The following DENND1A variants were observed in gnomAD, a reference collection of about 807,000 sequenced individuals.
DENND1A encodes DENN domain-containing protein 1A.
Under a neutral mutation model 113.7 loss-of-function variants are expected in DENND1A, and 51 were observed. The ratio of observed to expected loss-of-function variants is 0.45; its 90% CI spans 0.36 to 0.57. DENND1A has a LOEUF of 0.57. Ranked by LOEUF, DENND1A falls within the 20% of genes least tolerant of loss-of-function variation. The pLI is 0.00. For synonymous variants in DENND1A, 565 were observed against 570.8 expected (o/e 0.99, Z 0.14); for missense variants, 1,258 against 1,395.9 (o/e 0.90, Z 1.57).
At chr9:123,493,202 G>A (rs1341392927) in intron 13 of DENND1A, 3 of 152,278 alleles carry the variant, frequency 2.0e-5, no homozygotes, top group Admixed American at 6.5e-5. Context: ...ACTAAGACAC[G>A]GCTTCATCCT....
At chr9:123,386,332 C>T (rs193290786) in intron 22 of DENND1A, among the ~76,000 whole-genome samples, 40 of 150,968 alleles carry the variant, frequency 2.6e-4, no homozygotes, top group South Asian at 1.1e-3. Flanking sequence ...GCAAAAGTGA[C>T]GTGTGATGCT....
chr9:123,614,670 A>G (rs889099636), intron 10 of DENND1A, among the ~76,000 whole-genome samples: 4 of 152,256 alleles, frequency 2.6e-5, no homozygotes, highest in Non-Finnish European at 4.4e-5. Context: ...CTCCACCTCC[A>G]GGTGGGCAAC....
chr9:123,544,458 GTT>G (rs1305741000), intron 13 of DENND1A, among the ~76,000 whole-genome samples: 1 of 152,194 alleles, frequency 6.6e-6, no homozygotes, highest in East Asian at 1.9e-4. Flanking sequence ...AACCAACTCA[GTT>G]TTCTTCTGAA....
chr9:123,449,409 C>T (rs1293439968), intron 18 of DENND1A, among the ~76,000 whole-genome samples: 1 of 152,074 alleles, frequency 6.6e-6, no homozygotes, highest in Non-Finnish European at 1.5e-5. Flanking sequence ...GTAGCACGTG[C>T]CTGTAGTCCC....
intron 18 of DENND1A, among the ~76,000 whole-genome samples, chr9:123,443,958 A>C (rs775020106): frequency 6.6e-6 from 1 of 152,032 alleles, no homozygotes; most frequent in Non-Finnish European, 1.5e-5. Flanking sequence ...CCCTGTCTCA[A>C]GAAAAAAATA....
At chr9:123,824,398 A>C (rs1838980561) in intron 2 of DENND1A, among the ~76,000 whole-genome samples, 1 of 152,210 alleles carries the variant, frequency 6.6e-6, no homozygotes, top group South Asian at 2.1e-4. Context: ...TCATCTTTGT[A>C]AATTCTAACA....
chr9:123,624,532 C>T (rs1276995928), intron 10 of DENND1A, among the ~76,000 whole-genome samples: 1 of 152,162 alleles, frequency 6.6e-6, no homozygotes, highest in Non-Finnish European at 1.5e-5. Context: ...ATCCTTTGGT[C>T]ATATGTCAGA....
intron 21 of DENND1A, among the ~76,000 whole-genome samples, chr9:123,393,320 C>G (rs566087815): frequency 1.3e-5 from 2 of 152,278 alleles, no homozygotes; most frequent in African/African-American, 4.8e-5. Flanking sequence ...AAGGCAGTCC[C>G]TGCCTTCCCA....
At chr9:123,911,699 CTTT>C (rs112974905) in intron 1 of DENND1A, among the ~76,000 whole-genome samples, 1 of 145,754 alleles carries the variant, frequency 6.9e-6, no homozygotes, top group Non-Finnish European at 1.5e-5. Flanking sequence ...TTTTTTTTTT[CTTT>C]TTTTTTTTGA....
intron 5 of DENND1A, among the ~76,000 whole-genome samples, chr9:123,693,905 G>T (rs1336414570): frequency 6.6e-6 from 1 of 150,906 alleles, no homozygotes; most frequent in Non-Finnish European, 1.5e-5. Flanking sequence ...TCAGCTCACT[G>T]CAACATCTGC....
chr9:123,817,742 G>A lies in DENND1A; in HGVS notation c.89-25112C>T, dbSNP rs553625438. ...CTTTTAGAAATATACTATAGAAAAT[G>A]CTGGCTGGGCGTGGTGGCTCATGCC... is the stretch of plus-strand genomic sequence containing the variant. On this transcript the variant is annotated intron_variant, in intron 2 of 23. Coordinates refer to ENST00000394215, the MANE Select transcript of DENND1A (RefSeq NM_001352964.2). Among the ~76,000 whole-genome samples, 337 of 152,236 alleles carry A rather than the reference G, an allele frequency of 2.2e-3. 1 individual carries two copies. Among genetic ancestry groups the A allele is most frequent in the Non-Finnish European group, 3.9e-3 (268 of 68,006 alleles).
rs548396493 is a variant in DENND1A at position 123,746,890 on chromosome 9, A to G, written c.302+10813T>C. On this transcript the variant is annotated intron_variant, in intron 5 of 23. Transcript: ENST00000394215. ...TTTCATATACTAATAAAAAAGAAAA[A>G]GCACAAATTAAATTTTCTCCAAAGT... Among the ~76,000 whole-genome samples the G allele has an allele frequency of 3.3e-5, 5 of 152,322 alleles. No individual in the cohort carries two copies. In the South Asian group the frequency reaches 8.3e-4, roughly 25 times the overall value.
At chr9:123,545,376 C>A (rs1005341583) in intron 13 of DENND1A, among the ~76,000 whole-genome samples, 1 of 152,110 alleles carries the variant, frequency 6.6e-6, no homozygotes, top group Admixed American at 6.5e-5. Flanking sequence ...ATCCTCTAAT[C>A]ATCACAGATA....
intron 12 of DENND1A, among the ~76,000 whole-genome samples, chr9:123,576,205 A>G (rs2058626711): frequency 6.6e-6 from 1 of 152,220 alleles, no homozygotes; most frequent in Non-Finnish European, 1.5e-5. Context: ...CAGGTAACGT[A>G]ACAACCTTTA....
At chr9:123,832,058 C>A (rs191928648) in intron 2 of DENND1A, among the ~76,000 whole-genome samples, 284 of 152,152 alleles carry the variant, frequency 1.9e-3, no homozygotes, top group African/African-American at 6.5e-3. Flanking sequence ...CCACATTGTA[C>A]ACATATATCA....
At chr9:123,708,788 G>A (rs937212785) in intron 5 of DENND1A, among the ~76,000 whole-genome samples, 2 of 152,024 alleles carry the variant, frequency 1.3e-5, no homozygotes, top group East Asian at 1.9e-4. Flanking sequence ...AAAGACTACC[G>A]GAGCCTTCTG....
chr9:123,500,543 A>C (rs926252819), intron 13 of DENND1A, among the ~76,000 whole-genome samples: 2 of 152,156 alleles, frequency 1.3e-5, no homozygotes, highest in African/African-American at 2.4e-5. Flanking sequence ...TTGACATAAC[A>C]CCTGTGAAGC....
chr9:123,471,390 G>A (rs942967610), intron 13 of DENND1A, among the ~76,000 whole-genome samples: 2 of 152,160 alleles, frequency 1.3e-5, no homozygotes, highest in African/African-American at 2.4e-5. Context: ...GACTCTTAGC[G>A]GAGGGGCTAA....
chr9:123,547,997 A>C (rs182695422), intron 13 of DENND1A, among the ~76,000 whole-genome samples: 1 of 152,320 alleles, frequency 6.6e-6, no homozygotes, highest in Non-Finnish European at 1.5e-5. Flanking sequence ...CATTATTTAC[A>C]TCTTACACAT....
Sources: allele counts gnomAD v4.1 joint callset (sites outside exome capture counted in the v4.1 genomes callset), GRCh38; gene constraint gnomAD v4.1.1; transcripts MANE v1.5; gene names NCBI Gene and HGNC (gene_info 2026-07-23, HGNC 2026-07-21).